Variants in RARB observed in about 807,000 individuals in gnomAD.
RARB encodes the protein HBV-activated protein.
A neutral mutation model predicts 51.9 loss-of-function variants in RARB; 17 were observed. The observed-to-expected ratio is 0.33, with a 90% CI of 0.22 to 0.49. The LOEUF is 0.49. Ranked by LOEUF, RARB falls within the 20% of genes least tolerant of loss-of-function variation. The pLI is 0.99. For synonymous variants in RARB, 215 were observed against 195.4 expected (o/e 1.10, Z -0.84); for missense variants, 369 against 550.8 (o/e 0.67, Z 3.30).
chr3:25,354,228 AC>A (rs1488976887), intron 5 of RARB, among the ~76,000 whole-genome samples: 3 of 152,112 alleles, frequency 2.0e-5, no homozygotes, highest in Non-Finnish European at 2.9e-5. Context: ...GACTCATGGA[AC>A]TTTCTCATGC....
At chr3:25,530,875 A>G (rs1698870979) in intron 3 of RARB, among the ~76,000 whole-genome samples, 1 of 152,260 alleles carries the variant, frequency 6.6e-6, no homozygotes, top group Non-Finnish European at 1.5e-5. Flanking sequence ...ATTGAAATTT[A>G]AGAGAGTGAC....
intron 2 of RARB, among the ~76,000 whole-genome samples, chr3:24,997,008 T>G (rs986356062): frequency 6.6e-6 from 1 of 152,236 alleles, no homozygotes; most frequent in East Asian, 1.9e-4. Context: ...CAATGTTTCT[T>G]TGTTGTTTTT....
intron 2 of RARB, among the ~76,000 whole-genome samples, chr3:25,488,463 T>C (rs1696572318): frequency 6.6e-6 from 1 of 151,906 alleles, no homozygotes; most frequent in Non-Finnish European, 1.5e-5. Context: ...CTGGAGAAAA[T>C]GAGAAGGGTA....
chr3:25,061,988 A>G lies in RARB; in HGVS notation c.-328+1812A>G, dbSNP rs561244839. Among the ~76,000 whole-genome samples the G allele has an allele frequency of 2.0e-5, 3 of 152,014 alleles. No homozygotes were observed. The East Asian group carries it at 5.8e-4, about 29-fold the overall frequency. On this transcript the variant is annotated intron_variant, in intron 3 of 11. Transcript: ENST00000383772. ...TAAATATTGGAATTTAATATAGAAT[A>G]AAAGTGGTTTTCAACTTAAGAAAAT... is the stretch of plus-strand genomic sequence containing the variant.
chr3:25,199,953 A>G (rs552067623), intron 5 of RARB, among the ~76,000 whole-genome samples: 9 of 152,210 alleles, frequency 5.9e-5, no homozygotes, highest in African/African-American at 1.9e-4. Context: ...TCCTTTGGGT[A>G]TACGCCCAGT....
chr3:25,299,934 A>C (rs766825638), intron 5 of RARB, among the ~76,000 whole-genome samples: 1 of 152,200 alleles, frequency 6.6e-6, no homozygotes, highest in Non-Finnish European at 1.5e-5. Flanking sequence ...TTTGCTTCCT[A>C]TGTCTAATTG....
At chr3:25,255,135 A>G (rs2125403950) in intron 5 of RARB, among the ~76,000 whole-genome samples, 1 of 152,292 alleles carries the variant, frequency 6.6e-6, no homozygotes, top group Middle Eastern at 3.4e-3. Flanking sequence ...TTTACTAGGC[A>G]TGAGCATCAG....
intron 3 of RARB, among the ~76,000 whole-genome samples, chr3:25,526,805 TC>T (rs374524233): frequency 5.9e-5 from 9 of 152,294 alleles, no homozygotes; most frequent in Middle Eastern, 3.4e-3. Flanking sequence ...TTAGCGGTGT[TC>T]CCCTTCTTCA....
chr3:25,103,912 A>G (rs1039260819), intron 3 of RARB, among the ~76,000 whole-genome samples: 5 of 152,060 alleles, frequency 3.3e-5, no homozygotes, highest in African/African-American at 9.7e-5. Flanking sequence ...TGCTTGGAAG[A>G]GATTGTGTGA....
chr3:25,201,793 G>T (rs1472339841), intron 5 of RARB, among the ~76,000 whole-genome samples: 2 of 152,136 alleles, frequency 1.3e-5, no homozygotes, highest in Admixed American at 6.5e-5. Context: ...ACTTGATCGT[G>T]GTGGATAAGC....
chr3:25,225,215 C>A (rs1199062328), intron 5 of RARB, among the ~76,000 whole-genome samples: 2 of 152,044 alleles, frequency 1.3e-5, no homozygotes, highest in African/African-American at 4.8e-5. Flanking sequence ...ATAAAATACT[C>A]TGATAGTACA....
intron 5 of RARB, among the ~76,000 whole-genome samples, chr3:25,284,190 G>T (rs904484024): frequency 6.6e-6 from 1 of 152,076 alleles, no homozygotes; most frequent in African/African-American, 2.4e-5. Context: ...AGCTCATGAG[G>T]AACTGAATCC....
chr3:25,250,768 T>A (rs946865887), intron 5 of RARB, among the ~76,000 whole-genome samples: 1 of 152,132 alleles, frequency 6.6e-6, no homozygotes, highest in Non-Finnish European at 1.5e-5. Context: ...TGGAATCCAG[T>A]GTGAATTCCC....
intron 3 of RARB, among the ~76,000 whole-genome samples, chr3:25,527,015 C>T (rs1698681175): frequency 1.3e-5 from 2 of 152,170 alleles, no homozygotes; most frequent in Admixed American, 1.3e-4. Context: ...TGTGTAATTA[C>T]TACTTTATTC....
chr3:25,319,983 G>C (rs532588741), intron 5 of RARB, among the ~76,000 whole-genome samples: 2 of 151,986 alleles, frequency 1.3e-5, no homozygotes, highest in South Asian at 4.2e-4. Flanking sequence ...TTCTGGAACA[G>C]TGGGGACATT....
chr3:24,932,140 A>G (rs1188433945), intron 2 of RARB, among the ~76,000 whole-genome samples: 1 of 152,080 alleles, frequency 6.6e-6, no homozygotes, highest in Non-Finnish European at 1.5e-5. Flanking sequence ...CACATGCTCT[A>G]ATGAGAAAGC....
intron 3 of RARB, among the ~76,000 whole-genome samples, chr3:25,061,724 G>A (rs1454066528): frequency 2.0e-5 from 3 of 151,808 alleles, no homozygotes; most frequent in Non-Finnish European, 4.4e-5. Context: ...ATATTTTGGA[G>A]AGAAAGGTGT....
chr3:25,142,256 C>T (rs113919032), intron 4 of RARB, among the ~76,000 whole-genome samples: 1,685 of 152,224 alleles, frequency 0.011, 36 homozygotes, highest in African/African-American at 0.038. Flanking sequence ...ATCGCTTGAA[C>T]CTGGGAGGTG....
rs1018154541 is a variant in RARB at position 25,010,569 on chromosome 3, C to T, written c.-379-49556C>T. Among the ~76,000 whole-genome samples, 5 of 152,230 alleles carry T rather than the reference C, an allele frequency of 3.3e-5. No individual in the cohort carries two copies. In the East Asian group the frequency reaches 5.8e-4, roughly 18 times the overall value. On this transcript the variant is annotated intron_variant, in intron 2 of 11. Transcript: ENST00000383772. ...ACAGATTATTGTAGGGACTCACACTCAACTAACATTGGAGGATCTTCTATC... is the reference window on the plus strand; with the variant it reads ...ACAGATTATTGTAGGGACTCACACTTAACTAACATTGGAGGATCTTCTATC...
Sources: gnomAD v4.1 joint callset for allele counts (sites outside exome capture counted in the v4.1 genomes callset) on GRCh38, gnomAD v4.1.1 for gene constraint, MANE v1.5 for transcripts, NCBI Gene and HGNC (gene_info 2026-07-23, HGNC 2026-07-21) for gene names.